The following FOCAD variants were observed in gnomAD, a reference collection of about 807,000 sequenced individuals.
The protein encoded by FOCAD is KIAA1797.
FOCAD carries 198 observed loss-of-function variants against 225.6 expected under a neutral mutation model. The observed-to-expected ratio is 0.88, with a 90% CI of 0.78 to 0.99. The LOEUF (loss-of-function observed/expected upper bound fraction) is 0.99, where lower values mean the gene tolerates loss of function less well. Among genes scored for constraint, FOCAD ranks in the 50% least tolerant of loss-of-function variants. The pLI, the probability that FOCAD is intolerant of heterozygous loss-of-function variation, is 0.00. For missense variants in FOCAD, 2,713 were observed against 2,123.6 expected, an observed-to-expected ratio of 1.28 and a Z score of -5.46; for synonymous variants, 897 against 755.0, an observed-to-expected ratio of 1.19 and a Z score of -3.08.
At chr9:20,731,617 ATT>A (rs1284041215) in intron 4 of FOCAD, among the ~76,000 whole-genome samples, 14 of 152,018 alleles carry the variant, frequency 9.2e-5, no homozygotes, top group Non-Finnish European at 1.8e-4. Context: ...TTAAACATAT[ATT>A]TATATGTATT....
At chr9:20,747,218 A>G (rs1430690677) in intron 5 of FOCAD, among the ~76,000 whole-genome samples, 4 of 152,130 alleles carry the variant, frequency 2.6e-5, no homozygotes, top group African/African-American at 7.2e-5. Context: ...GGCAAAAGAG[A>G]TAGCTATTTG....
At chr9:20,723,799 G>A (rs1453822506) in intron 4 of FOCAD, among the ~76,000 whole-genome samples, 1 of 152,140 alleles carries the variant, frequency 6.6e-6, no homozygotes, top group African/African-American at 2.4e-5. Flanking sequence ...TTGCTATAAA[G>A]AAATACCTAA....
chr9:20,723,366 T>C (rs1180249091), intron 4 of FOCAD, among the ~76,000 whole-genome samples: 2 of 152,214 alleles, frequency 1.3e-5, no homozygotes, highest in Non-Finnish European at 2.9e-5. Context: ...CTTATGCCTG[T>C]AATCCCAGCT....
intron 18 of FOCAD, among the ~76,000 whole-genome samples, chr9:20,867,611 C>A (rs1944083505): frequency 6.6e-6 from 1 of 152,002 alleles, no homozygotes; most frequent in Non-Finnish European, 1.5e-5. Flanking sequence ...ATAACCTCTT[C>A]TAGTATCTGC....
At chr9:20,689,819 A>G (rs1400422741) in intron 1 of FOCAD, among the ~76,000 whole-genome samples, 2 of 152,196 alleles carry the variant, frequency 1.3e-5, no homozygotes, top group Non-Finnish European at 2.9e-5. Flanking sequence ...TTTACCCATC[A>G]AGTCATTATA....
chr9:20,884,153 A>G (rs1015901367), intron 20 of FOCAD, among the ~76,000 whole-genome samples: 3 of 152,228 alleles, frequency 2.0e-5, no homozygotes, highest in African/African-American at 7.2e-5. Context: ...TAGAATCTCT[A>G]GAACTAAACA....
intron 10 of FOCAD, among the ~76,000 whole-genome samples, chr9:20,784,614 T>TA (rs1247451172): frequency 1.3e-5 from 2 of 152,348 alleles, no homozygotes; most frequent in Admixed American, 1.3e-4. Context: ...CATAACAATT[T>TA]AGAGACAGCT....
intron 43 of FOCAD, among the ~76,000 whole-genome samples, chr9:20,993,930 CAA>C (rs1217969873): frequency 2.0e-5 from 3 of 152,206 alleles, no homozygotes; most frequent in East Asian, 3.9e-4. Flanking sequence ...TAAAAAGCAG[CAA>C]AGAGAAATCC....
At chr9:20,692,427 T>C (rs1384459355) in intron 1 of FOCAD, among the ~76,000 whole-genome samples, 1 of 152,162 alleles carries the variant, frequency 6.6e-6, no homozygotes, top group Non-Finnish European at 1.5e-5. Flanking sequence ...TAAGCCCCCG[T>C]TGTTTATGTC....
At chr9:20,865,201 A>C (rs1018854122) in intron 16 of FOCAD, among the ~76,000 whole-genome samples, 11 of 152,078 alleles carry the variant, frequency 7.2e-5, no homozygotes, top group African/African-American at 2.7e-4. Context: ...TGGTAGAGAA[A>C]ATGACAAACA....
At chr9:20,928,962 G>C (rs1293015420) in intron 26 of FOCAD, 2 of 154,098 alleles carry the variant, frequency 1.3e-5, no homozygotes, top group African/African-American at 4.8e-5. Context: ...AATGTGGCTT[G>C]CTGGTTTGTC....
chr9:20,770,017 G>T lies in FOCAD; in HGVS notation c.700-15G>T. ...TGTGTATTTTTTAATATCATATAATGACTTTTTTAAACAGGTAAAAGATTT... is the reference window on the plus strand; with the variant it reads ...TGTGTATTTTTTAATATCATATAATTACTTTTTTAAACAGGTAAAAGATTT... On this transcript the variant is annotated splice_polypyrimidine_tract_variant and intron_variant, in intron 7 of 43. Coordinates refer to ENST00000338382, the MANE Select transcript of FOCAD (RefSeq NM_001375567.1). 6.2e-7 allele frequency: 1 copy of T among 1,604,458 alleles called. No homozygotes were observed. Among genetic ancestry groups the T allele is most frequent in the South Asian group, 1.1e-5 (1 of 90,460 alleles).
At chr9:20,959,366 C>T (rs1258214115) in intron 35 of FOCAD, among the ~76,000 whole-genome samples, 1 of 151,860 alleles carries the variant, frequency 6.6e-6, no homozygotes, top group East Asian at 1.9e-4. Context: ...TGTTAATTTC[C>T]CCATCTTAAA....
chr9:20,935,637 G>A (rs921280366), intron 28 of FOCAD, among the ~76,000 whole-genome samples: 1 of 152,194 alleles, frequency 6.6e-6, no homozygotes, highest in Non-Finnish European at 1.5e-5. Context: ...GACCTCATGT[G>A]ATCCACCTGC....
intron 15 of FOCAD, among the ~76,000 whole-genome samples, chr9:20,854,921 C>T (rs1828015054): frequency 6.6e-6 from 1 of 151,668 alleles, no homozygotes; most frequent in Non-Finnish European, 1.5e-5. Context: ...ATCTAAAAAC[C>T]ACTGCATACC....
chr9:20,863,685 T>G (rs1172055595), intron 16 of FOCAD: 1 of 152,124 alleles, frequency 6.6e-6, no homozygotes, highest in Non-Finnish European at 1.5e-5. Context: ...CATTCTTTCT[T>G]ATGGCTGCAG....
intron 2 of FOCAD, among the ~76,000 whole-genome samples, chr9:20,668,909 C>T (rs1042766061): frequency 1.3e-5 from 2 of 151,210 alleles, no homozygotes; most frequent in African/African-American, 4.8e-5. Flanking sequence ...GTGTGGCACG[C>T]TCCCCGTTTT....
chr9:20,897,328 G>A (rs1832175736), intron 21 of FOCAD, among the ~76,000 whole-genome samples: 1 of 150,650 alleles, frequency 6.6e-6, no homozygotes, highest in Non-Finnish European at 1.5e-5. Flanking sequence ...TTGGGTCTTG[G>A]TTTTTGATCT....
rs370816373 is a variant in FOCAD at position 20,914,224 on chromosome 9, T to A, written c.2807+1270T>A. On this transcript the variant is annotated intron_variant, in intron 23 of 43. Transcript: ENST00000338382. The stretch of plus-strand genomic sequence containing the variant: ...ATCTAAGTAAAGTCATCACTTGATT[T>A]ATTATTTCAAAAAGTATTTATTGAG... 1.4e-4 allele frequency among the ~76,000 whole-genome samples: 21 copies of A among 152,314 alleles called. 1 individual carries two copies. The East Asian group carries it at 3.9e-3, about 28-fold the overall frequency.
Sources: allele counts gnomAD v4.1 joint callset (sites outside exome capture counted in the v4.1 genomes callset), GRCh38; gene constraint gnomAD v4.1.1; transcripts MANE v1.5; gene names NCBI Gene and HGNC (gene_info 2026-07-23, HGNC 2026-07-21).